Variants in CPS1 observed in about 807,000 individuals in gnomAD.
CPS1 encodes the protein carbamoyl-phosphate synthase [ammonia], mitochondrial.
CPS1 carries 109 observed loss-of-function variants against 174.6 expected under a neutral mutation model. The ratio of observed to expected loss-of-function variants is 0.62; its 90% CI spans 0.53 to 0.73. The LOEUF (loss-of-function observed/expected upper bound fraction) is 0.73. Among genes scored for constraint, CPS1 ranks in the 30% least tolerant of loss-of-function variants. The probability of loss-of-function intolerance (pLI) is 0.00; values close to 1 mark genes in which losing one functional copy is unlikely to be tolerated. For synonymous variants in CPS1, 637 were observed against 632.0 expected (o/e 1.01, Z -0.12); for missense variants, 1,689 against 1,821.9 (o/e 0.93, Z 1.33).
intron 1 of CPS1, among the ~76,000 whole-genome samples, chr2:210,543,950 A>G (rs1460654176): frequency 1.3e-5 from 2 of 152,070 alleles, no homozygotes; most frequent in African/African-American, 2.4e-5. Context: ...GCACTGGGAC[A>G]TGAGAGGTTT....
In CPS1 at chr2:210,588,103, G is replaced by A. The variant is rs774556324; in HGVS notation, c.667G>A (p.Val223Ile). 5.6e-6 allele frequency: 9 copies of A among 1,612,908 alleles called. No homozygotes were observed. Among genetic ancestry groups the A allele is most frequent in the Non-Finnish European group, 7.6e-6 (9 of 1,179,270 alleles). Residue 223 changes from valine to isoleucine, a missense_variant, in exon 7 of 38, where the codon GTA (valine) becomes ATA (isoleucine). Coordinates refer to ENST00000233072, the MANE Select transcript of CPS1 (RefSeq NM_001875.5). ...AGGAAACCCCACAAAAGTGGTAGCT[G>A]TAGACTGTGGGATTAAAAACAATGT... ...GKGNPTKVVA[V>I]DCGIKNNVIR...
At chr2:210,517,650 T>G (rs1695717617) in intron 1 of CPS1, among the ~76,000 whole-genome samples, 1 of 152,006 alleles carries the variant, frequency 6.6e-6, no homozygotes. Flanking sequence ...GTTATTCCAT[T>G]TACAGAGTTT....
At chr2:210,558,957 T>C (rs914304773) in intron 1 of CPS1, among the ~76,000 whole-genome samples, 1 of 152,022 alleles carries the variant, frequency 6.6e-6, no homozygotes, top group Non-Finnish European at 1.5e-5. Flanking sequence ...TTTGGAGGAA[T>C]GCCAAGCACA....
At chr2:210,568,754 G>A (rs1697380450) in intron 1 of CPS1, among the ~76,000 whole-genome samples, 1 of 151,988 alleles carries the variant, frequency 6.6e-6, no homozygotes, top group Non-Finnish European at 1.5e-5. Context: ...ATATTCGTAA[G>A]ACTAACCACT....
chr2:210,658,663 T>A lies in CPS1; in HGVS notation c.3731T>A (p.Phe1244Tyr). Residue 1244 changes from phenylalanine (F) to tyrosine (Y), a missense_variant, in exon 31 of 38, where the codon TTT becomes TAT. Phe to Tyr is a conservative substitution (Grantham distance 22, BLOSUM62 3). Coordinates refer to ENST00000233072, the MANE Select transcript of CPS1 (RefSeq NM_001875.5). The stretch of plus-strand genomic sequence containing the variant: ...ATCTCTGGTCCATTCAACGTCCAAT[T>A]TCTTGTCAAAGGAAATGATGTCTTG... ...FAISGPFNVQ[F>Y]LVKGNDVLVI... The A allele has an allele frequency of 6.2e-7, 1 of 1,614,000 alleles. No individual in the cohort carries two copies. Among genetic ancestry groups the A allele is most frequent in the East Asian group, 2.2e-5 (1 of 44,858 alleles).
chr2:210,605,146 A>T lies in CPS1; in HGVS notation c.1881A>T (p.Thr627=). The T allele has an allele frequency of 6.2e-7, 1 of 1,612,130 alleles. No individual in the cohort carries two copies. The highest frequency in any genetic ancestry group is 8.5e-7 in the Non-Finnish European group (1 of 1,178,780). ...TNQILVEKSV[T]GWKEIEYEVV... The stretch of plus-strand genomic sequence containing the variant: ...AAATTCTGGTGGAGAAGTCAGTGAC[A>T]GGTTGGAAAGAAATAGAATATGAAG... Residue 627 remains threonine, a synonymous_variant, in exon 17 of 38, where the codon ACA becomes ACT. Transcript: ENST00000233072.
chr2:210,616,381 A>C, intron 20 of CPS1, 42 bp from the exon 21 acceptor site: 1 of 1,354,414 alleles, frequency 7.4e-7, no homozygotes, highest in Non-Finnish European at 1.1e-6. Context: ...AGACATTTAG[A>C]AAAATGTTTG....
upstream of CPS1, among the ~76,000 whole-genome samples, chr2:210,554,152 TAC>T (rs536991195): frequency 7.4e-4 from 102 of 138,148 alleles, 2 homozygotes; most frequent in East Asian, 4.5e-3. Flanking sequence ...TATGTATATA[TAC>T]ACACACATAT....
upstream of CPS1, among the ~76,000 whole-genome samples, chr2:210,554,836 T>TACAC (rs3060397): frequency 0.039 from 5,714 of 147,778 alleles, 273 homozygotes; most frequent in African/African-American, 0.12. Flanking sequence ...CAACCCTCAC[T>TACAC]ACACACACAC....
Position 210,678,064 on chromosome 2 carries a change from A to T in CPS1, c.*79A>T, listed in dbSNP as rs1701591980. 1 of 1,029,138 alleles carries T rather than the reference A, an allele frequency of 9.7e-7. No homozygotes were observed. The highest frequency in any genetic ancestry group is 2.4e-5 in the East Asian group (1 of 42,238). 63.8% of individuals were successfully genotyped at this position (1,029,138 alleles called of 1,614,324 possible). On this transcript the variant is annotated 3_prime_UTR_variant, in exon 38 of 38. Transcript: ENST00000233072. ...AAAGGAACTGATTCACAACTTTCTC[A>T]GAGATGAATATTGATAACTAAACTT... is the stretch of plus-strand genomic sequence containing the variant.
intron 21 of CPS1, among the ~76,000 whole-genome samples, chr2:210,634,617 C>T (rs1053085651): frequency 6.6e-6 from 1 of 152,116 alleles, no homozygotes; most frequent in African/African-American, 2.4e-5. Flanking sequence ...TGAGCCACGG[C>T]TTCAACTTGT....
At chr2:210,623,238 ATC>A (rs1357459392) in intron 21 of CPS1, among the ~76,000 whole-genome samples, 1 of 152,150 alleles carries the variant, frequency 6.6e-6, no homozygotes, top group East Asian at 1.9e-4. Flanking sequence ...CTTAAAAAGA[ATC>A]TATTTTCATT....
chr2:210,554,542 T>A (rs1167901440), upstream of CPS1, among the ~76,000 whole-genome samples: 1 of 151,842 alleles, frequency 6.6e-6, no homozygotes, highest in Non-Finnish European at 1.5e-5. Flanking sequence ...CATATTTGAT[T>A]AAAACATAAG....
intron 1 of CPS1, among the ~76,000 whole-genome samples, chr2:210,526,585 G>A (rs1485035306): frequency 6.6e-6 from 1 of 151,760 alleles, no homozygotes; most frequent in East Asian, 1.9e-4. Context: ...GGGGCCTGCC[G>A]CATAGTAGAC....
At chr2:210,662,514 T>C (rs568309772) in intron 32 of CPS1, among the ~76,000 whole-genome samples, 1 of 152,276 alleles carries the variant, frequency 6.6e-6, no homozygotes, top group African/African-American at 2.4e-5. Flanking sequence ...AACAAGAACT[T>C]AGTTTTTCAT....
rs1360479736 is a variant in CPS1 at position 210,608,671 on chromosome 2, T to C, written c.2391+112T>C. On this transcript the variant is annotated intron_variant, in intron 19 of 37. Coordinates refer to ENST00000233072, the MANE Select transcript of CPS1 (RefSeq NM_001875.5). Reference sequence around the variant, plus strand: ...GGATACCATCAACACATGGACAGTGTTAAAGGTGCAATTGACAGTGTTAAA... The same window carrying C: ...GGATACCATCAACACATGGACAGTGCTAAAGGTGCAATTGACAGTGTTAAA... 4.0e-6 allele frequency: 4 copies of C among 993,646 alleles called. No individual in the cohort carries two copies. The East Asian group carries it at 9.7e-5, about 24-fold the overall frequency. 61.6% of individuals were successfully genotyped at this position (993,646 alleles called of 1,614,324 possible).
chr2:210,659,520 A>T (rs1177057673), intron 31 of CPS1, among the ~76,000 whole-genome samples: 4 of 152,172 alleles, frequency 2.6e-5, no homozygotes, highest in Non-Finnish European at 5.9e-5. Flanking sequence ...AACACCTCCC[A>T]CTAGTCTCCA....
intron 1 of CPS1, among the ~76,000 whole-genome samples, chr2:210,546,667 T>C (rs1253800083): frequency 1.3e-5 from 2 of 152,126 alleles, no homozygotes; most frequent in Non-Finnish European, 2.9e-5. Context: ...ATTTGCAGTC[T>C]ATTTCAATTA....
intron 1 of CPS1, among the ~76,000 whole-genome samples, chr2:210,523,519 C>T (rs1695883940): frequency 1.3e-5 from 2 of 151,934 alleles, no homozygotes; most frequent in South Asian, 2.1e-4. Context: ...TCCGAGTCTC[C>T]AGTGTCTTTT....
Sources: allele counts gnomAD v4.1 joint callset (sites outside exome capture counted in the v4.1 genomes callset), GRCh38; gene constraint gnomAD v4.1.1; transcripts MANE v1.5; gene names NCBI Gene and HGNC (gene_info 2026-07-23, HGNC 2026-07-21).